Variants in SMG5 observed in about 807,000 individuals in gnomAD.
SMG5 encodes nonsense-mediated mRNA decay factor SMG5.
In SMG5, 53 loss-of-function variants were observed where a neutral mutation model predicts 122.9. The ratio of observed to expected loss-of-function variants is 0.43; its 90% CI spans 0.35 to 0.54. SMG5 has a LOEUF of 0.54. SMG5 is among the 20% of genes least tolerant of loss of function. The pLI, the probability that SMG5 is intolerant of heterozygous loss-of-function variation, is 0.01. For missense variants in SMG5, 1,153 were observed against 1,285.6 expected (o/e 0.90, Z 1.58); for synonymous variants, 477 against 490.2 (o/e 0.97, Z 0.35).
chr1:156,278,814 A>T (rs1357384763), intron 2 of SMG5, 122 bp downstream of exon 2: 1 of 755,082 alleles, frequency 1.3e-6, no homozygotes. Context: ...GATTTCAGAG[A>T]CCATTAAGGT....
chr1:156,282,544 C>A lies in SMG5; in HGVS notation c.74+63G>T. On this transcript the variant is annotated intron_variant, in intron 1 of 21. Transcript: ENST00000361813. ...ACCCGGGCCCCGCCCGCCCGGGAGG[C>A]CCCGCCCCTCGCCGTCTCCCCACTT... is the stretch of plus-strand genomic sequence containing the variant. The A allele has an allele frequency of 2.0e-6, 3 of 1,524,206 alleles. No homozygotes were observed. In the South Asian group the frequency reaches 3.6e-5, roughly 18 times the overall value. 94.4% of individuals were successfully genotyped at this position (1,524,206 alleles called of 1,614,324 possible). A position where few individuals can be genotyped will look rare whatever the true frequency, so the allele number is the denominator to read the frequency against.
Position 156,252,509 on chromosome 1 carries a change from T to C in SMG5, c.2663-5A>G, listed in dbSNP as rs1558231520. 6.2e-7 allele frequency: 1 copy of C among 1,613,856 alleles called. No individual in the cohort carries two copies. The highest frequency in any genetic ancestry group is 8.5e-7 in the Non-Finnish European group (1 of 1,179,956). On this transcript the variant is annotated splice_region_variant and splice_polypyrimidine_tract_variant and intron_variant, in intron 18 of 21. Coordinates refer to ENST00000361813, the MANE Select transcript of SMG5 (RefSeq NM_015327.3). ...GCAAATCCAGGCCATCGATCACTGGTGGGCAAGGTAGGGAAAGACAAAACA... is the reference window on the plus strand; with the variant it reads ...GCAAATCCAGGCCATCGATCACTGGCGGGCAAGGTAGGGAAAGACAAAACA...
intron 16 of SMG5, among the ~76,000 whole-genome samples, chr1:156,255,654 G>A (rs1436961390): frequency 1.3e-5 from 2 of 152,310 alleles, no homozygotes; most frequent in Non-Finnish European, 1.5e-5. Flanking sequence ...GGGAGGCCGA[G>A]GCAGGAGGAC....
At chr1:156,290,632 T>C in the SMG5 span, 1 of 151,554 alleles carries the variant, frequency 6.6e-6, no homozygotes, top group Admixed American at 6.6e-5. Flanking sequence ...GGTCAGGAGA[T>C]TGAGACCATC....
intron 15 of SMG5, 71 bp from the exon 16 acceptor site, chr1:156,259,234 T>C: frequency 7.0e-7 from 1 of 1,425,406 alleles, no homozygotes; most frequent in Non-Finnish European, 9.2e-7. Context: ...TCCAGGACCC[T>C]CCACTCCCAC....
In SMG5 at chr1:156,265,373, G is replaced by C. The variant is rs1020924262; in HGVS notation, c.1855+408C>G. Among the ~76,000 whole-genome samples, 3 of 152,262 alleles carry C rather than the reference G, an allele frequency of 2.0e-5. No homozygotes were observed. The East Asian group carries it at 5.8e-4, about 29-fold the overall frequency. On this transcript the variant is annotated intron_variant, in intron 12 of 21. Coordinates refer to ENST00000361813, the MANE Select transcript of SMG5 (RefSeq NM_015327.3). ...AACAAACGGTTGCTGCTACTAAATG[G>C]GTACTCTGTTTGCAGGGAATATCCT... is the stretch of plus-strand genomic sequence containing the variant.
At chr1:156,270,956 G>A (rs911405170) in intron 7 of SMG5, among the ~76,000 whole-genome samples, 2 of 151,164 alleles carry the variant, frequency 1.3e-5, no homozygotes, top group Admixed American at 6.6e-5. Flanking sequence ...GCAGTGAGCC[G>A]AGATCATGCC....
the SMG5 span, among the ~76,000 whole-genome samples, chr1:156,288,618 G>C: frequency 6.6e-6 from 1 of 152,110 alleles, no homozygotes; most frequent in Non-Finnish European, 1.5e-5. Context: ...GATTACAGGC[G>C]TGAGCCACCA....
At position 156,275,177 on chromosome 1, in the gene SMG5, TAAAAAAGA is replaced by T. The variant is rs1293224994; in HGVS notation, c.455-499_455-492del. ...CAAAAACAACGACAACAACAAAATT[TAAAAAAGA>T]AAAAAAGAAAGACATGTGAATGAGG... is the stretch of plus-strand genomic sequence containing the variant. On this transcript the variant is annotated intron_variant, in intron 4 of 21. Transcript: ENST00000361813. Among the ~76,000 whole-genome samples the T allele has an allele frequency of 5.9e-5, 8 of 134,600 alleles. No individual in the cohort carries two copies. In the South Asian group the frequency reaches 2.0e-3, roughly 33 times the overall value. The allele number at this position is 134,600 out of a possible 152,430, so 88.3% of individuals were successfully genotyped here.
chr1:156,286,712 A>G (rs190829568), upstream of SMG5, among the ~76,000 whole-genome samples: 36 of 152,360 alleles, frequency 2.4e-4, no homozygotes, highest in Non-Finnish European at 4.3e-4. Flanking sequence ...GGTGTCATCT[A>G]GATCAATGCA....
At chr1:156,270,247 G>A (rs1440910581) in intron 7 of SMG5, among the ~76,000 whole-genome samples, 2 of 152,150 alleles carry the variant, frequency 1.3e-5, no homozygotes. Context: ...CTTGCAGGGG[G>A]CTGCGGGAGG....
intron 1 of SMG5, among the ~76,000 whole-genome samples, chr1:156,281,822 A>G (rs1662962853): frequency 6.6e-6 from 1 of 152,204 alleles, no homozygotes; most frequent in Non-Finnish European, 1.5e-5. Context: ...TGATGGGAAG[A>G]GCTCATTCGG....
intron 7 of SMG5, 41 bp downstream of exon 7, chr1:156,272,279 A>G: frequency 6.5e-7 from 1 of 1,539,018 alleles, no homozygotes; most frequent in Non-Finnish European, 8.9e-7. Flanking sequence ...AATAATATGC[A>G]CACAAAAGCA....
intron 7 of SMG5, among the ~76,000 whole-genome samples, chr1:156,270,117 A>G (rs1662341830): frequency 6.6e-6 from 1 of 152,240 alleles, no homozygotes; most frequent in South Asian, 2.1e-4. Context: ...CATGTTTTTA[A>G]TTATAAAAAG....
At chr1:156,280,742 G>A (rs894006030) in intron 1 of SMG5, among the ~76,000 whole-genome samples, 1 of 152,154 alleles carries the variant, frequency 6.6e-6, no homozygotes. Context: ...TTAAATATGA[G>A]AGGGCTCACC....
chr1:156,273,378 G>A lies in SMG5; in HGVS notation c.617C>T (p.Ser206Leu). The A allele has an allele frequency of 6.2e-7, 1 of 1,613,776 alleles. No homozygotes were observed. Among genetic ancestry groups the A allele is most frequent in the South Asian group, 1.1e-5 (1 of 91,042 alleles). The change falls in exon 6 of 22, where the codon TCA (serine) becomes TTA (leucine). Residue 206 changes from serine to leucine, a missense_variant. Around this residue, in one of 5 missense-constraint regions of SMG5, gnomAD observed 85 missense variants for 127.3 expected, o/e 0.67. Coordinates refer to ENST00000361813, the MANE Select transcript of SMG5 (RefSeq NM_015327.3). ...CAACTTACCAATCTGAGGAGCTACT[G>A]ACAGGGCTTGGTAGTAAAATCTCTC... The part of the protein sequence containing the change: ...LAERFYYQAL[S>L]VAPQIGMPFN...
chr1:156,266,345 CCT>C lies in SMG5; in HGVS notation c.1289_1290del (p.Glu430GlyfsTer6). On this transcript the variant is annotated frameshift_variant, in exon 12 of 22. Transcript: ENST00000361813. LOFTEE classifies it high-confidence loss of function. ...GGAGGAGGCTCAGGATCTGGCTCCTCCTCTTTCTCCACAGGTTCCTTGGACTC... is the reference window on the plus strand; with the variant it reads ...GGAGGAGGCTCAGGATCTGGCTCCTCCTTTCTCCACAGGTTCCTTGGACTC... ...EPESKEPVEK[E>X]EEPDPEPPPV... 1 of 1,613,944 alleles carries C rather than the reference CCT, an allele frequency of 6.2e-7. No individual in the cohort carries two copies. Among genetic ancestry groups the C allele is most frequent in the Non-Finnish European group, 8.5e-7 (1 of 1,179,882 alleles).
At chr1:156,262,568 G>A (rs184311716) in intron 13 of SMG5, among the ~76,000 whole-genome samples, 12 of 151,486 alleles carry the variant, frequency 7.9e-5, no homozygotes, top group South Asian at 6.3e-4. Flanking sequence ...GTTAAAGGAT[G>A]TGGCTTCTCT....
At chr1:156,251,148 G>T in intron 20 of SMG5, 152 bp from the exon 21 acceptor site, 1 of 1,080,142 alleles carries the variant, frequency 9.3e-7, no homozygotes, top group Non-Finnish European at 1.3e-6. Flanking sequence ...CATATGGGGA[G>T]CAGGCAAAGG....
Sources: allele counts gnomAD v4.1 joint callset (sites outside exome capture counted in the v4.1 genomes callset), GRCh38; gene constraint gnomAD v4.1.1; regional missense constraint gnomAD v4.1.1; transcripts MANE v1.5; gene names NCBI Gene and HGNC (gene_info 2026-07-23, HGNC 2026-07-21).